SNX9: variants seen among roughly 807,000 people sequenced by gnomAD.
The protein encoded by SNX9 is sorting nexin-9.
Under a neutral mutation model 89.4 loss-of-function variants are expected in SNX9, and 44 were observed. That is an observed-to-expected ratio of 0.49 (90% CI 0.39 to 0.63). The LOEUF (loss-of-function observed/expected upper bound fraction) is 0.63. SNX9 is among the 30% of genes least tolerant of loss of function. The probability of loss-of-function intolerance (pLI) is 0.00; values close to 1 mark genes in which losing one functional copy is unlikely to be tolerated. For synonymous variants in SNX9, 236 were observed against 247.8 expected, an observed-to-expected ratio of 0.95 and a Z score of 0.45; for missense variants, 578 against 736.1, an observed-to-expected ratio of 0.79 and a Z score of 2.49.
chr6:157,903,190 C>A (rs184442193), intron 6 of SNX9, among the ~76,000 whole-genome samples: 1,818 of 152,260 alleles, frequency 0.012, 43 homozygotes, highest in African/African-American at 0.042. Flanking sequence ...ATTACTAATA[C>A]TTTTTCCCAA....
At chr6:157,866,632 T>C (rs369871638) in intron 1 of SNX9, among the ~76,000 whole-genome samples, 1 of 152,304 alleles carries the variant, frequency 6.6e-6, no homozygotes, top group East Asian at 1.9e-4. Context: ...CATGGCTGTT[T>C]AGGTAACTCG....
intron 1 of SNX9, among the ~76,000 whole-genome samples, chr6:157,826,239 C>G (rs1483130174): frequency 1.3e-5 from 2 of 152,142 alleles, no homozygotes; most frequent in East Asian, 1.9e-4. Context: ...CGTCTCACGC[C>G]TGTAATCCTA....
chr6:157,896,701 T>C, intron 4 of SNX9, 126 bp from the exon 5 acceptor site: 1 of 1,092,088 alleles, frequency 9.2e-7, no homozygotes, highest in Non-Finnish European at 1.4e-6. Context: ...TAAAATTGTT[T>C]TGAATACATT....
intron 1 of SNX9, among the ~76,000 whole-genome samples, chr6:157,863,224 G>T (rs1180034311): frequency 6.6e-6 from 1 of 152,232 alleles, no homozygotes; most frequent in Non-Finnish European, 1.5e-5. Context: ...ACATAGGTCA[G>T]ATAGAATGTG....
At chr6:157,893,905 A>G (rs1319268651) in intron 4 of SNX9, among the ~76,000 whole-genome samples, 1 of 152,102 alleles carries the variant, frequency 6.6e-6, no homozygotes, top group Non-Finnish European at 1.5e-5. Context: ...TTTTTCTATG[A>G]AAGTGTGGTA....
At chr6:157,938,781 G>T (rs776347164) in intron 16 of SNX9, 34 bp downstream of exon 16, 3 of 1,530,570 alleles carry the variant, frequency 2.0e-6, no homozygotes, top group Non-Finnish European at 2.7e-6. Context: ...GGTGCTGGTG[G>T]AAGTTTTTTT....
rs1168384837 is a variant in SNX9 at position 157,834,149 on chromosome 6, GGTTTTTTTTTTT to G, written c.12+10704_12+10715del. On this transcript the variant is annotated intron_variant, in intron 1 of 17. Transcript: ENST00000392185. The stretch of plus-strand genomic sequence containing the variant: ...GATCCTGCCATGTGGTGTCCACTGT[GGTTTTTTTTTTT>G]TTTTTTTTTTTTTTTTTTTTTTTTG... 7.8e-3 allele frequency among the ~76,000 whole-genome samples: 471 copies of G among 60,040 alleles called. 20 individuals carry two copies. Among genetic ancestry groups the G allele is most frequent in the African/African-American group, 0.029 (436 of 15,054 alleles). 39.4% of individuals were successfully genotyped at this position (60,040 alleles called of 152,430 possible).
At chr6:157,850,883 A>C (rs1049584737) in intron 1 of SNX9, among the ~76,000 whole-genome samples, 11 of 152,230 alleles carry the variant, frequency 7.2e-5, no homozygotes, top group African/African-American at 2.7e-4. Context: ...ACGCCATAGA[A>C]GGAAGGAGCA....
intron 10 of SNX9, among the ~76,000 whole-genome samples, chr6:157,924,040 A>G (rs947063934): frequency 1.8e-4 from 28 of 152,288 alleles, no homozygotes; most frequent in African/African-American, 6.3e-4. Context: ...TCTACTAAAA[A>G]TACAAAAATT....
intron 2 of SNX9, among the ~76,000 whole-genome samples, chr6:157,869,290 G>A (rs970956354): frequency 2.0e-5 from 3 of 152,042 alleles, no homozygotes; most frequent in African/African-American, 7.2e-5. Flanking sequence ...CCGTCTCTGT[G>A]GTGATGACTT....
intron 4 of SNX9, among the ~76,000 whole-genome samples, chr6:157,891,023 TTC>T (rs202097194): frequency 6.8e-6 from 1 of 147,796 alleles, no homozygotes; most frequent in Non-Finnish European, 1.5e-5. Context: ...TCTTTTTTCT[TTC>T]TCTTTTTTTT....
At chr6:157,889,379 C>T (rs567806874) in intron 4 of SNX9, among the ~76,000 whole-genome samples, 8 of 143,068 alleles carry the variant, frequency 5.6e-5, no homozygotes, top group African/African-American at 1.6e-4. Context: ...TGCAGTGAGC[C>T]GAGATCACAC....
chr6:157,885,605 G>T (rs1177239016), intron 4 of SNX9, among the ~76,000 whole-genome samples: 4 of 152,156 alleles, frequency 2.6e-5, no homozygotes, highest in African/African-American at 9.7e-5. Flanking sequence ...GTTGCACGTG[G>T]TATAGTCGTA....
At chr6:157,916,299 G>C (rs1583235646) in intron 9 of SNX9, among the ~76,000 whole-genome samples, 2 of 152,308 alleles carry the variant, frequency 1.3e-5, no homozygotes, top group African/African-American at 4.8e-5. Flanking sequence ...CTCCCAAAGT[G>C]CTGGGATTAC....
At chr6:157,910,112 C>A in intron 9 of SNX9, 87 bp downstream of exon 9, 1 of 1,026,948 alleles carries the variant, frequency 9.7e-7, no homozygotes, top group Non-Finnish European at 1.5e-6. Context: ...TGGCATTTTC[C>A]ATCCTGTAGA....
chr6:157,923,173 T>G (rs548775772), intron 10 of SNX9, among the ~76,000 whole-genome samples: 124 of 152,322 alleles, frequency 8.1e-4, no homozygotes, highest in Non-Finnish European at 1.1e-3. Context: ...CTGGTCTTAG[T>G]GCCACTTCTA....
intron 7 of SNX9, among the ~76,000 whole-genome samples, chr6:157,908,949 C>T (rs755345334): frequency 6.6e-6 from 1 of 152,180 alleles, no homozygotes. Context: ...GGACGTGATA[C>T]CCGGGGGTTG....
intron 1 of SNX9, among the ~76,000 whole-genome samples, chr6:157,854,912 T>G (rs1781979025): frequency 6.6e-6 from 1 of 151,696 alleles, no homozygotes; most frequent in East Asian, 1.9e-4. Context: ...AAGACAGTGC[T>G]TTAAATTTTT....
chr6:157,839,509 C>G lies in SNX9; in HGVS notation c.12+16063C>G, dbSNP rs180894046. ...CTTTGAAAAGTTACTTACTGCTTCA[C>G]TTTCCTTATCTGTAAAATACAAATA... On this transcript the variant is annotated intron_variant, in intron 1 of 17. Coordinates refer to ENST00000392185, the MANE Select transcript of SNX9 (RefSeq NM_016224.5). Among the ~76,000 whole-genome samples the G allele has an allele frequency of 2.6e-4, 39 of 152,350 alleles. 1 individual carries two copies. Among genetic ancestry groups the G allele is most frequent in the Non-Finnish European group, 2.8e-4 (19 of 68,034 alleles).
Sources: allele counts gnomAD v4.1 joint callset (sites outside exome capture counted in the v4.1 genomes callset), GRCh38; gene constraint gnomAD v4.1.1; transcripts MANE v1.5; gene names NCBI Gene and HGNC (gene_info 2026-07-23, HGNC 2026-07-21).